Variants in FRMD6 observed in about 807,000 individuals in gnomAD.
FRMD6 encodes FERM domain containing 6.
A neutral mutation model predicts 73.2 loss-of-function variants in FRMD6; 37 were observed. The observed-to-expected ratio is 0.51, with a 90% CI of 0.39 to 0.66. The LOEUF is 0.66. Ranked by LOEUF, FRMD6 falls within the 30% of genes least tolerant of loss-of-function variation. The pLI is 0.00. For missense variants in FRMD6, 714 were observed against 780.5 expected, an observed-to-expected ratio of 0.91 and a Z score of 1.02; for synonymous variants, 273 against 282.2, an observed-to-expected ratio of 0.97 and a Z score of 0.33.
At chr14:51,570,020 T>C (rs943162711) in intron 1 of FRMD6, among the ~76,000 whole-genome samples, 1 of 152,064 alleles carries the variant, frequency 6.6e-6, no homozygotes, top group Admixed American at 6.6e-5. Context: ...TTTCACCATG[T>C]TAGCCAGGAT....
intron 1 of FRMD6, among the ~76,000 whole-genome samples, chr14:51,501,970 G>A (rs1219194491): frequency 1.3e-5 from 2 of 152,182 alleles, no homozygotes; most frequent in East Asian, 1.9e-4. Flanking sequence ...TTTCTCAAAT[G>A]CTCAGTGATG....
intron 11 of FRMD6, among the ~76,000 whole-genome samples, 196 bp from the exon 12 acceptor site, chr14:51,721,753 A>AGGAAGGGAGGAAGGAAGGAG (rs1555340785): frequency 1.7e-4 from 18 of 108,782 alleles, no homozygotes; most frequent in Non-Finnish European, 2.8e-4. Context: ...GAAGGGAGGA[A>AGGAAGGGAGGAAGGAAGGAG]GGAAGGAGGG....
intron 13 of FRMD6, among the ~76,000 whole-genome samples, 159 bp from the exon 14 acceptor site, chr14:51,727,586 G>T (rs1483974215): frequency 6.6e-6 from 1 of 152,178 alleles, no homozygotes; most frequent in African/African-American, 2.4e-5. Context: ...TGGTGTTGAT[G>T]ATATATTTCC....
intron 1 of FRMD6, among the ~76,000 whole-genome samples, chr14:51,668,292 G>A (rs752283736): frequency 1.8e-4 from 27 of 152,116 alleles, no homozygotes; most frequent in Non-Finnish European, 3.2e-4. Context: ...AAGGACGGTT[G>A]CTTGATTTAC....
chr14:51,582,457 T>C (rs1888778611), intron 2 of FRMD6, among the ~76,000 whole-genome samples: 1 of 152,186 alleles, frequency 6.6e-6, no homozygotes, highest in Non-Finnish European at 1.5e-5. Context: ...TCAAGTATTG[T>C]AACCACACCA....
chr14:51,702,544 C>T lies in FRMD6; in HGVS notation c.327C>T (p.Ile109=). ...GIDQFGPPMI[I]HFRVQYYVEN... ...ACCAATTTGGGCCTCCTATGATCATCCACTTCCGTGTGCAGTACTATGTGG... is the reference window on the plus strand; with the variant it reads ...ACCAATTTGGGCCTCCTATGATCATTCACTTCCGTGTGCAGTACTATGTGG... The change falls in exon 5 of 14, where the codon ATC becomes ATT. Residue 109 remains isoleucine, a synonymous_variant. Coordinates refer to ENST00000344768, the MANE Select transcript of FRMD6 (RefSeq NM_001267046.2). The T allele has an allele frequency of 6.2e-7, 1 of 1,611,956 alleles. No homozygotes were observed. Among genetic ancestry groups the T allele is most frequent in the South Asian group, 1.1e-5 (1 of 90,986 alleles).
chr14:51,459,904 T>TTTTTTTTTTTTTTTTA, the FRMD6 span, among the ~76,000 whole-genome samples: 1 of 146,110 alleles, frequency 6.8e-6, no homozygotes, highest in Non-Finnish European at 1.5e-5. Context: ...TTTTTTTTTT[T>TTTTTTTTTTTTTTTTA]ACAAACTTCG....
chr14:51,549,595 C>CTTTTTTT (rs35356416), intron 1 of FRMD6, among the ~76,000 whole-genome samples: 2,581 of 97,798 alleles, frequency 0.026, 160 homozygotes, highest in African/African-American at 0.082. Context: ...TTTTTTCTTT[C>CTTTTTTT]TTTTTTTTTT....
At chr14:51,668,525 TG>T (rs1167332037) in intron 1 of FRMD6, among the ~76,000 whole-genome samples, 1 of 152,014 alleles carries the variant, frequency 6.6e-6, no homozygotes. Context: ...GGGCTGGTCT[TG>T]AACCCCTGGC....
chr14:51,599,058 C>CTTTTCTTTTTT lies in FRMD6; in HGVS notation c.-147+28652_-147+28653insCTTTTTTTTTT, dbSNP rs1158794443. The stretch of plus-strand genomic sequence containing the variant: ...TCTCAGCAGCCTTGCCAGTATCTGT[C>CTTTTCTTTTTT]TTTTTTTTTTTTTTTTTTTTTTTTT... On this transcript the variant is annotated intron_variant, in intron 2 of 14. Transcript: ENST00000356218. Among the ~76,000 whole-genome samples the CTTTTCTTTTTT allele has an allele frequency of 1.1e-4, 8 of 72,826 alleles. No individual in the cohort carries two copies. The South Asian group carries it at 1.7e-3, about 15-fold the overall frequency. 47.8% of individuals were successfully genotyped at this position (72,826 alleles called of 152,430 possible). A position where few individuals can be genotyped will look rare whatever the true frequency, so the allele number is the denominator to read the frequency against.
chr14:51,561,536 C>G (rs1887481395), intron 1 of FRMD6, among the ~76,000 whole-genome samples: 1 of 152,188 alleles, frequency 6.6e-6, no homozygotes, highest in Non-Finnish European at 1.5e-5. Context: ...ATTTAAGTAA[C>G]AGAGTTGTAG....
chr14:51,681,794 T>C (rs1288744376), intron 1 of FRMD6, among the ~76,000 whole-genome samples: 1 of 152,232 alleles, frequency 6.6e-6, no homozygotes, highest in Non-Finnish European at 1.5e-5. Context: ...CTTACCAAAT[T>C]TATAAAATAT....
In FRMD6 at chr14:51,542,647, C is replaced by G. The variant is rs181396933; in HGVS notation, c.-209-27701C>G. ...TTTCATGAGTATATACCTAGAATTG[C>G]TGGGTAACATGGTAATTCTATGTTT... On this transcript the variant is annotated intron_variant, in intron 1 of 14. Transcript: ENST00000356218. Among the ~76,000 whole-genome samples the G allele has an allele frequency of 3.4e-4, 51 of 151,906 alleles. No individual in the cohort carries two copies. The East Asian group carries it at 7.2e-3, about 21-fold the overall frequency.
chr14:51,570,106 C>T (rs528660153), intron 1 of FRMD6, among the ~76,000 whole-genome samples: 25 of 152,190 alleles, frequency 1.6e-4, no homozygotes, highest in Non-Finnish European at 2.4e-4. Flanking sequence ...TGAGCCACTG[C>T]GCCCGGCCCA....
chr14:51,463,566 G>C, the FRMD6 span, among the ~76,000 whole-genome samples: 1 of 152,196 alleles, frequency 6.6e-6, no homozygotes, highest in African/African-American at 2.4e-5. Flanking sequence ...GAAAGGCCCT[G>C]GGAAGCTCTA....
intron 2 of FRMD6, among the ~76,000 whole-genome samples, chr14:51,581,240 T>G (rs1176293275): frequency 6.6e-6 from 1 of 152,012 alleles, no homozygotes; most frequent in Admixed American, 6.6e-5. Flanking sequence ...CCTCAGTCTC[T>G]CCCCCATCTT....
At chr14:51,408,033 T>C in the FRMD6 span, among the ~76,000 whole-genome samples, 2 of 152,214 alleles carry the variant, frequency 1.3e-5, no homozygotes, top group African/African-American at 4.8e-5. Flanking sequence ...ATCTTTAGTG[T>C]TCTGGAATTT....
intron 1 of FRMD6, among the ~76,000 whole-genome samples, chr14:51,526,652 G>T (rs1384272985): frequency 2.0e-5 from 3 of 152,138 alleles, no homozygotes; most frequent in Non-Finnish European, 2.9e-5. Flanking sequence ...TAAGACCCAT[G>T]AGCAAGCCCA....
intron 1 of FRMD6, among the ~76,000 whole-genome samples, chr14:51,653,811 A>G (rs1892612829): frequency 6.6e-6 from 1 of 152,370 alleles, no homozygotes; most frequent in Non-Finnish European, 1.5e-5. Flanking sequence ...TACTTTTCCC[A>G]GTATGTTTGT....
Sources: allele counts gnomAD v4.1 joint callset (sites outside exome capture counted in the v4.1 genomes callset), GRCh38; gene constraint gnomAD v4.1.1; transcripts MANE v1.5; gene names NCBI Gene and HGNC (gene_info 2026-07-23, HGNC 2026-07-21).